SLC24A4: variants seen among roughly 807,000 people sequenced by gnomAD.
SLC24A4 encodes the protein solute carrier family 24 member 4.
A neutral mutation model predicts 79.0 loss-of-function variants in SLC24A4; 53 were observed. The ratio of observed to expected loss-of-function variants is 0.67; its 90% CI spans 0.54 to 0.84. The LOEUF (loss-of-function observed/expected upper bound fraction) is 0.84. Ranked by LOEUF, SLC24A4 falls within the 40% of genes least tolerant of loss-of-function variation. The probability of loss-of-function intolerance (pLI) is 0.00; values close to 1 mark genes in which losing one functional copy is unlikely to be tolerated. For synonymous variants in SLC24A4, 323 were observed against 323.8 expected (o/e 1.00, Z 0.03); for missense variants, 731 against 822.0 (o/e 0.89, Z 1.35).
chr14:92,398,396 G>A lies in SLC24A4; in HGVS notation c.242-35516G>A, dbSNP rs1889900686. On this transcript the variant is annotated intron_variant, in intron 2 of 16. Coordinates refer to ENST00000532405, the MANE Select transcript of SLC24A4 (RefSeq NM_153646.4). This position sits in a 1 kb window ranked among gnomAD's most constrained non-coding sequence, Gnocchi z 4.1. ...GGCGGAGCAAGCATCCACACAGAGT[G>A]TTGGAGAAGTGGGCATGGGAGAACC... Among the ~76,000 whole-genome samples the A allele has an allele frequency of 6.6e-6, 1 of 152,210 alleles. No homozygotes were observed. The highest frequency in any genetic ancestry group is 6.5e-5 in the Admixed American group (1 of 15,288).
At chr14:92,331,419 A>G (rs1309080566) in intron 2 of SLC24A4, among the ~76,000 whole-genome samples, 1 of 152,160 alleles carries the variant, frequency 6.6e-6, no homozygotes, top group Non-Finnish European at 1.5e-5. Context: ...AATAACTGGG[A>G]CTATAGGCAC....
intron 2 of SLC24A4, among the ~76,000 whole-genome samples, chr14:92,424,664 C>G (rs1237893091): frequency 6.6e-6 from 1 of 151,754 alleles, no homozygotes; most frequent in Non-Finnish European, 1.5e-5. Context: ...GAGTTTGAGA[C>G]CAGCCTGGGC....
intron 2 of SLC24A4, among the ~76,000 whole-genome samples, chr14:92,405,177 C>T (rs1005412127): frequency 4.6e-5 from 7 of 152,142 alleles, no homozygotes; most frequent in African/African-American, 1.7e-4. Flanking sequence ...TATTGCAGAC[C>T]TTTCTTCACT....
intron 2 of SLC24A4, among the ~76,000 whole-genome samples, chr14:92,382,891 A>G (rs1198857396): frequency 1.3e-5 from 2 of 152,120 alleles, no homozygotes; most frequent in Non-Finnish European, 2.9e-5. Flanking sequence ...TAGGCCATGG[A>G]GTTCTTATTG....
rs1402740688 is a variant in SLC24A4 at position 92,474,820 on chromosome 14, TACA to T, written c.1256-7859_1256-7857del. Among the ~76,000 whole-genome samples the T allele has an allele frequency of 0.011, 562 of 51,140 alleles. 44 individuals are homozygous for T. In the Admixed American group the frequency reaches 0.13, roughly 12 times the overall value. 33.5% of individuals were successfully genotyped at this position (51,140 alleles called of 152,430 possible). On this transcript the variant is annotated intron_variant, in intron 12 of 16. Transcript: ENST00000532405. ...ATATATATACATATATACATATATA[TACA>T]TATATATGTGTGTGTGTGTGTATAT...
At chr14:92,387,226 G>C (rs1889215953) in intron 2 of SLC24A4, among the ~76,000 whole-genome samples, 2 of 151,380 alleles carry the variant, frequency 1.3e-5, no homozygotes, top group East Asian at 3.9e-4. Context: ...ACCCAGGCTG[G>C]AGAGCAGTGG....
chr14:92,338,473 A>G (rs1328252922), intron 2 of SLC24A4, among the ~76,000 whole-genome samples: 3 of 152,196 alleles, frequency 2.0e-5, no homozygotes, highest in Non-Finnish European at 4.4e-5. Flanking sequence ...ATTTGGTGAA[A>G]GCATGGTGCT....
intron 11 of SLC24A4, 117 bp downstream of exon 11, chr14:92,454,186 G>T: frequency 8.9e-7 from 1 of 1,119,130 alleles, no homozygotes; most frequent in Non-Finnish European, 1.2e-6. Context: ...GGATGCCCTG[G>T]GGCCTCCAGA....
At chr14:92,338,566 A>G (rs956552098) in intron 2 of SLC24A4, among the ~76,000 whole-genome samples, 1 of 152,214 alleles carries the variant, frequency 6.6e-6, no homozygotes, top group Non-Finnish European at 1.5e-5. Context: ...ACCAACTTGT[A>G]TGACCCCGCT....
chr14:92,410,191 A>G (rs1418329840), intron 2 of SLC24A4, among the ~76,000 whole-genome samples: 2 of 152,106 alleles, frequency 1.3e-5, no homozygotes, highest in African/African-American at 4.8e-5. Flanking sequence ...ATAAATGTTT[A>G]AAAAAAGAGA....
intron 2 of SLC24A4, among the ~76,000 whole-genome samples, chr14:92,383,406 A>C (rs1888963844): frequency 6.6e-6 from 1 of 152,040 alleles, no homozygotes; most frequent in African/African-American, 2.4e-5. Flanking sequence ...TGAATGTCAC[A>C]GAGGCTTTGC....
At chr14:92,336,183 G>C (rs1372089798) in intron 2 of SLC24A4, among the ~76,000 whole-genome samples, 1 of 151,884 alleles carries the variant, frequency 6.6e-6, no homozygotes, top group Non-Finnish European at 1.5e-5. Flanking sequence ...GTTAAAAATG[G>C]AAATTATAAA....
In SLC24A4 at chr14:92,499,631, C is replaced by CTT. The variant is rs1896071499; in HGVS notation, c.*6003_*6004insTT. Reference sequence around the variant, plus strand: ...CAAACTCCTAGGCTCAAGTGATCCTCCTGAAAAGTAGGTAGGACTACAGGC... The same window carrying CTT: ...CAAACTCCTAGGCTCAAGTGATCCTCTTCTGAAAAGTAGGTAGGACTACAGGC... On this transcript the variant is annotated 3_prime_UTR_variant, in exon 17 of 17. Transcript: ENST00000532405. 6.6e-6 allele frequency: 1 copy of CTT among 151,146 alleles called. No homozygotes were observed. The highest frequency in any genetic ancestry group is 6.6e-5 in the Admixed American group (1 of 15,096). 9.4% of individuals were successfully genotyped at this position (151,146 alleles called of 1,614,324 possible). A position where few individuals can be genotyped will look rare whatever the true frequency, so the allele number is the denominator to read the frequency against.
intron 2 of SLC24A4, among the ~76,000 whole-genome samples, chr14:92,387,652 T>G (rs1889239707): frequency 6.6e-6 from 1 of 152,190 alleles, no homozygotes; most frequent in Non-Finnish European, 1.5e-5. Flanking sequence ...CCACCATTGG[T>G]CTCCAGAACT....
intron 2 of SLC24A4, among the ~76,000 whole-genome samples, chr14:92,359,015 G>A (rs926211972): frequency 6.6e-6 from 1 of 151,964 alleles, no homozygotes; most frequent in African/African-American, 2.4e-5. Flanking sequence ...TCCATTATCA[G>A]GTCTCCAGGC....
At chr14:92,403,892 CCAGT>C in intron 2 of SLC24A4, among the ~76,000 whole-genome samples, 1 of 149,620 alleles carries the variant, frequency 6.7e-6, no homozygotes, top group East Asian at 2.0e-4. Flanking sequence ...TCTCTTCAGC[CCAGT>C]CACTCACTTC....
intron 13 of SLC24A4, chr14:92,483,601 T>G: frequency 1.9e-6 from 1 of 517,388 alleles, no homozygotes; most frequent in Non-Finnish European, 3.3e-6. Context: ...CCTATGGCCA[T>G]ACAGGACAAG....
At chr14:92,366,498 A>AAG (rs1887847759) in intron 2 of SLC24A4, among the ~76,000 whole-genome samples, 1 of 152,210 alleles carries the variant, frequency 6.6e-6, no homozygotes, top group African/African-American at 2.4e-5. Context: ...CCTGCAGCAG[A>AAG]AGAGAAGATA....
At chr14:92,383,942 G>A (rs1595195659) in intron 2 of SLC24A4, among the ~76,000 whole-genome samples, 1 of 152,222 alleles carries the variant, frequency 6.6e-6, no homozygotes, top group African/African-American at 2.4e-5. Flanking sequence ...GGGACAGCAT[G>A]CTTTCAGCGG....
Sources: gnomAD v4.1 joint callset for allele counts (sites outside exome capture counted in the v4.1 genomes callset) on GRCh38, gnomAD v4.1.1 for gene constraint, Gnocchi (gnomAD v3.1) non-coding constraint, MANE v1.5 for transcripts, NCBI Gene and HGNC (gene_info 2026-07-23, HGNC 2026-07-21) for gene names.